Variants in CHFR observed in about 807,000 individuals in gnomAD.
CHFR encodes checkpoint with forkhead and ring finger domains, also known as E3 ubiquitin-protein ligase CHFR.
Under a neutral mutation model 87.6 loss-of-function variants are expected in CHFR, and 57 were observed. That is an observed-to-expected ratio of 0.65 (90% confidence interval 0.53 to 0.81). CHFR has a LOEUF of 0.81. Among genes scored for constraint, CHFR ranks in the 30% least tolerant of loss-of-function variants. The pLI, the probability that CHFR is intolerant of heterozygous loss-of-function variation, is 0.00. For missense variants in CHFR, 797 were observed against 865.8 expected, an observed-to-expected ratio of 0.92 and a Z score of 1.00; for synonymous variants, 381 against 359.2, an observed-to-expected ratio of 1.06 and a Z score of -0.69.
At chr12:132,845,496 T>A (rs1950800765) in intron 15 of CHFR, among the ~76,000 whole-genome samples, 1 of 151,260 alleles carries the variant, frequency 6.6e-6, no homozygotes, top group Non-Finnish European at 1.5e-5. Context: ...ATAAAAAAAC[T>A]AAGATTAGCC....
At chr12:132,847,987 G>A in intron 14 of CHFR, 98 bp downstream of exon 14, 1 of 1,589,976 alleles carries the variant, frequency 6.3e-7, no homozygotes, top group East Asian at 2.3e-5. Flanking sequence ...CAGCGGGTCA[G>A]GTAAAACAGA....
intron 8 of CHFR, among the ~76,000 whole-genome samples, chr12:132,857,915 A>G (rs756537119): frequency 6.6e-6 from 1 of 152,246 alleles, no homozygotes; most frequent in Non-Finnish European, 1.5e-5. Flanking sequence ...ACACCTTCCC[A>G]GATAAGGAGC....
chr12:132,879,835 C>T (rs187432269), intron 2 of CHFR, among the ~76,000 whole-genome samples: 4 of 152,224 alleles, frequency 2.6e-5, no homozygotes, highest in South Asian at 2.1e-4. Context: ...GACAAAAAAG[C>T]GAAGGGTTTG....
rs1435915679 is a variant in CHFR at position 132,869,503 on chromosome 12, A to G, written c.583+116T>C. On this transcript the variant is annotated intron_variant, in intron 6 of 17. Coordinates refer to ENST00000450056, the MANE Select transcript of CHFR (RefSeq NM_001161346.2). The stretch of plus-strand genomic sequence containing the variant: ...TATTGACTCCTACAGAAATCTCACT[A>G]CTGAGAACCTCATGCCAGTCCTCAG... The G allele has an allele frequency of 1.7e-5, 15 of 893,416 alleles. No homozygotes were observed. In the South Asian group the frequency reaches 2.0e-4, roughly 12 times the overall value. 55.3% of individuals were successfully genotyped at this position (893,416 alleles called of 1,614,324 possible). A position where few individuals can be genotyped will look rare whatever the true frequency, so the allele number is the denominator to read the frequency against.
intron 2 of CHFR, among the ~76,000 whole-genome samples, chr12:132,879,697 C>T (rs1158432107): frequency 6.6e-6 from 1 of 151,988 alleles, no homozygotes; most frequent in African/African-American, 2.4e-5. Context: ...GCCCTGAATA[C>T]AAAAGCAAGA....
Position 132,853,480 on chromosome 12 carries a change from G to T in CHFR, c.1323C>A (p.Ala441=). ...AGGGTGCATCCCCCAGGGCCTGTGG[G>T]GCTCCTGGCTCGCCCTCGGGTGCTG... ...HCPAPEGEPG[A]PQALGDAPST... The change falls in exon 11 of 18, where the codon GCC becomes GCA. Residue 441 remains alanine (A), a synonymous_variant. Coordinates refer to ENST00000450056, the MANE Select transcript of CHFR (RefSeq NM_001161346.2). The T allele has an allele frequency of 6.5e-7, 1 of 1,539,850 alleles. No homozygotes were observed. Among genetic ancestry groups the T allele is most frequent in the South Asian group, 1.2e-5 (1 of 81,918 alleles).
rs186108492 is a variant in CHFR, at chr12:132,844,185, C to T, written c.1736-51G>A. The T allele has an allele frequency of 9.3e-3, 11,578 of 1,243,652 alleles. 85 individuals carry two copies. Among genetic ancestry groups the T allele is most frequent in the Non-Finnish European group, 0.012 (10,194 of 850,998 alleles). 77.0% of individuals were successfully genotyped at this position (1,243,652 alleles called of 1,614,324 possible). ...AGCAACACCATCTTCCCAACAGCAG[C>T]GCACGGACTTCACAGCAGTGGGAGA... On this transcript the variant is annotated intron_variant, in intron 15 of 17. Coordinates refer to ENST00000450056, the MANE Select transcript of CHFR (RefSeq NM_001161346.2).
At position 132,847,091 on chromosome 12, in the gene CHFR, A is replaced by G; in HGVS notation, c.1687T>C (p.Leu563=). 3 of 1,613,896 alleles carry G rather than the reference A, an allele frequency of 1.9e-6. No homozygotes were observed. The highest frequency in any genetic ancestry group is 2.5e-6 in the Non-Finnish European group (3 of 1,179,912). ...TGGAGAGCCACGAGGCTCTCGGTCAACATGTTTTTCCATGTCAAACCTCTG... is the reference window on the plus strand; with the variant it reads ...TGGAGAGCCACGAGGCTCTCGGTCAGCATGTTTTTCCATGTCAAACCTCTG... ...ATRGLTWKNM[L]TESLVALQRG... Residue 563 remains leucine (L), a synonymous_variant, in exon 15 of 18, where the codon TTG becomes CTG. Transcript: ENST00000450056.
intron 8 of CHFR, 120 bp downstream of exon 8, chr12:132,858,948 C>T (rs78083828): frequency 0.076 from 73,891 of 970,748 alleles, 3,236 homozygotes; most frequent in East Asian, 0.14. Context: ...GACAGAGTAA[C>T]CTCAGCAGAT....
intron 6 of CHFR, chr12:132,866,422 G>A (rs1313635836): frequency 6.6e-6 from 1 of 151,626 alleles, no homozygotes; most frequent in Non-Finnish European, 1.5e-5. Flanking sequence ...ACACCGGAAT[G>A]TTACAACACA....
chr12:132,871,667 G>A (rs1230136835), intron 4 of CHFR, among the ~76,000 whole-genome samples: 6 of 150,748 alleles, frequency 4.0e-5, no homozygotes, highest in Admixed American at 3.3e-4. Context: ...AGCTACTCAG[G>A]AGGCTGAGGC....
intron 3 of CHFR, 50 bp downstream of exon 3, chr12:132,877,505 C>A: frequency 7.6e-7 from 1 of 1,318,158 alleles, no homozygotes. Flanking sequence ...CGAAGTCAGG[C>A]TTCTTAAGCT....
intron 6 of CHFR, among the ~76,000 whole-genome samples, chr12:132,864,082 G>A (rs966806371): frequency 1.3e-5 from 2 of 150,594 alleles, no homozygotes; most frequent in Non-Finnish European, 3.0e-5. Flanking sequence ...GATTACAGGT[G>A]TGAATAACCT....
intron 6 of CHFR, chr12:132,867,815 T>C (rs1198789891): frequency 6.6e-6 from 1 of 151,950 alleles, no homozygotes; most frequent in Non-Finnish European, 1.5e-5. Flanking sequence ...CAGGAAGAGC[T>C]TAACAAACAA....
At chr12:132,887,391 G>C (rs941554207) in intron 1 of CHFR, 51 bp from the exon 2 acceptor site, 1 of 1,225,766 alleles carries the variant, frequency 8.2e-7, no homozygotes, top group Non-Finnish European at 1.0e-6. Context: ...CAGAGGCCGA[G>C]ACTCGGCGCC....
Position 132,838,916 on chromosome 12 carries a change from T to C in CHFR, c.*2638A>G, listed in dbSNP as rs1185224037. On this transcript the variant is annotated 3_prime_UTR_variant, in exon 18 of 18. Coordinates refer to ENST00000450056, the MANE Select transcript of CHFR (RefSeq NM_001161346.2). ...ACGGCTCCTTACCACGCTGGGAGGA[T>C]AACTGCCCTGCTCCCAAGGCCTCCT... is the stretch of plus-strand genomic sequence containing the variant. 1 of 152,532 alleles carries C rather than the reference T, an allele frequency of 6.6e-6. No individual in the cohort carries two copies. The highest frequency in any genetic ancestry group is 1.5e-5 in the Non-Finnish European group (1 of 68,214). The allele number at this position is 152,532 out of a possible 1,614,324, so 9.4% of individuals were successfully genotyped here.
At chr12:132,885,974 A>T (rs1403035356) in intron 2 of CHFR, among the ~76,000 whole-genome samples, 1 of 152,174 alleles carries the variant, frequency 6.6e-6, no homozygotes, top group Non-Finnish European at 1.5e-5. Flanking sequence ...TGTAAAATAA[A>T]CTTTGACTTG....
At chr12:132,849,436 A>G (rs983980882) in intron 12 of CHFR, 1 of 152,304 alleles carries the variant, frequency 6.6e-6, no homozygotes, top group Non-Finnish European at 1.5e-5. Flanking sequence ...TCAGACCCAC[A>G]TCGTTTCTTA....
At chr12:132,881,494 G>A (rs1951769078) in intron 2 of CHFR, among the ~76,000 whole-genome samples, 1 of 152,116 alleles carries the variant, frequency 6.6e-6, no homozygotes, top group South Asian at 2.1e-4. Context: ...ATGACAAAAT[G>A]CTCAACATCA....
Sources: gnomAD v4.1 joint callset for allele counts (sites outside exome capture counted in the v4.1 genomes callset) on GRCh38, gnomAD v4.1.1 for gene constraint, MANE v1.5 for transcripts, NCBI Gene and HGNC (gene_info 2026-07-23, HGNC 2026-07-21) for gene names.